The following FREM2 variants were observed in gnomAD, a reference collection of about 807,000 sequenced individuals.
FREM2 encodes FRAS1-related extracellular matrix protein 2.
A neutral mutation model predicts 219.9 loss-of-function variants in FREM2; 119 were observed. The ratio of observed to expected loss-of-function variants is 0.54; its 90% confidence interval spans 0.47 to 0.63. The LOEUF is 0.63. FREM2 is among the 30% of genes least tolerant of loss of function. The probability of loss-of-function intolerance (pLI) is 0.00; values close to 1 mark genes in which losing one functional copy is unlikely to be tolerated. For synonymous variants in FREM2, 1,562 were observed against 1,522.8 expected (o/e 1.03, Z -0.60); for missense variants, 4,030 against 3,993.6 (o/e 1.01, Z -0.25).
intron 21 of FREM2, among the ~76,000 whole-genome samples, 180 bp downstream of exon 21, chr13:38,877,423 G>A (rs1355226460): frequency 6.6e-6 from 1 of 152,110 alleles, no homozygotes; most frequent in Non-Finnish European, 1.5e-5. Flanking sequence ...ATATGTAACT[G>A]GGTATCTTTT....
chr13:38,859,490 G>A lies in FREM2; in HGVS notation c.7419G>A (p.Gln2473=). Residue 2473 remains glutamine, a synonymous_variant, in exon 14 of 24, where the codon CAG becomes CAA. Transcript: ENST00000280481. ...KMVTLDSIYF[Q]PGSRVQCAAR... is the part of the protein sequence containing the mutation. ...TCACACTGGACTCCATATACTTTCA[G>A]CCTGGCTCCCGGGTACAGTGCGCAG... 6.2e-7 allele frequency: 1 copy of A among 1,614,030 alleles called. No homozygotes were observed. Among genetic ancestry groups the A allele is most frequent in the Non-Finnish European group, 8.5e-7 (1 of 1,180,006 alleles).
chr13:38,830,594 A>G (rs150935237), intron 6 of FREM2, among the ~76,000 whole-genome samples: 4 of 152,332 alleles, frequency 2.6e-5, no homozygotes, highest in African/African-American at 9.6e-5. Context: ...AGTTCTTAGC[A>G]TGTATTGCAA....
In FREM2 at chr13:38,856,157, C is replaced by T. The variant is rs182710790; in HGVS notation, c.6957C>T (p.His2319=). 3 of 1,610,724 alleles carry T rather than the reference C, an allele frequency of 1.9e-6. No individual in the cohort carries two copies. Among genetic ancestry groups the T allele is most frequent in the East Asian group, 2.2e-5 (1 of 44,774 alleles). ...EIEFKEGETQ[H]VVEIEVTFDG... ...AGTTTAAGGAAGGGGAAACCCAGCA[C>T]GTGGTTGAAATCGAAGTTACCTTTG... Residue 2319 remains histidine (H), a synonymous_variant, in exon 12 of 24, where the codon CAC becomes CAT. Transcript: ENST00000280481.
intron 7 of FREM2, among the ~76,000 whole-genome samples, chr13:38,846,939 C>G (rs897363825): frequency 6.6e-6 from 1 of 152,088 alleles, no homozygotes; most frequent in East Asian, 1.9e-4. Context: ...AGGTTACAAA[C>G]GTTAAGACTC....
At chr13:38,756,248 A>C (rs1181800823) in intron 2 of FREM2, among the ~76,000 whole-genome samples, 1 of 152,210 alleles carries the variant, frequency 6.6e-6, no homozygotes, top group Non-Finnish European at 1.5e-5. Flanking sequence ...GTGAATATTG[A>C]ATTAGCAAAT....
In FREM2 at chr13:38,878,797, C is replaced by T. The variant is rs9532296; in HGVS notation, c.8860-34C>T. The T allele has an allele frequency of 0.35, 570,191 of 1,606,406 alleles. 107,433 individuals carry two copies. The highest frequency in any genetic ancestry group is 0.48 in the East Asian group (21,440 of 44,826). On this transcript the variant is annotated intron_variant, in intron 22 of 23. Transcript: ENST00000280481. ...GTCCTGGCAAAAGCCGTGGCATTAT[C>T]TACAGCAATCACCACTTTCCTTACT...
At chr13:38,735,509 T>A (rs1871953951) in intron 2 of FREM2, among the ~76,000 whole-genome samples, 2 of 152,340 alleles carry the variant, frequency 1.3e-5, no homozygotes, top group South Asian at 4.1e-4. Flanking sequence ...TCAATTTTTA[T>A]TCTTAGTAAA....
chr13:38,773,599 G>T (rs1208651568), intron 4 of FREM2, among the ~76,000 whole-genome samples: 1 of 151,912 alleles, frequency 6.6e-6, no homozygotes, highest in Non-Finnish European at 1.5e-5. Flanking sequence ...TTTTTGATTG[G>T]TTGTTTTTTT....
intron 2 of FREM2, among the ~76,000 whole-genome samples, chr13:38,703,895 A>G (rs1870437560): frequency 6.6e-6 from 1 of 152,132 alleles, no homozygotes; most frequent in Admixed American, 6.6e-5. Context: ...CACCTTTTAA[A>G]CACTAAGCAT....
In FREM2 at chr13:38,752,190, A is replaced by C. The variant is rs537203044; in HGVS notation, c.5264-12114A>C. Among the ~76,000 whole-genome samples, 7 of 152,104 alleles carry C rather than the reference A, an allele frequency of 4.6e-5. No homozygotes were observed. In the East Asian group the frequency reaches 1.4e-3, roughly 29 times the overall value. ...CTCTGTCTGTCTCCACCACATTGTCACTTCCCACCCTGCTTTCTCTTTCCC... is the reference window on the plus strand; with the variant it reads ...CTCTGTCTGTCTCCACCACATTGTCCCTTCCCACCCTGCTTTCTCTTTCCC... On this transcript the variant is annotated intron_variant, in intron 2 of 23. Transcript: ENST00000280481.
intron 7 of FREM2, among the ~76,000 whole-genome samples, chr13:38,847,675 A>G (rs868833378): frequency 6.6e-6 from 1 of 152,190 alleles, no homozygotes; most frequent in African/African-American, 2.4e-5. Context: ...ATACTCAAGC[A>G]AAGTTGCACA....
chr13:38,867,024 T>C (rs1280764018), intron 16 of FREM2, among the ~76,000 whole-genome samples: 2 of 152,238 alleles, frequency 1.3e-5, no homozygotes, highest in Non-Finnish European at 2.9e-5. Flanking sequence ...TTCCAGTTCC[T>C]TTATCAAATT....
At chr13:38,853,322 A>G (rs2137913883) in intron 11 of FREM2, among the ~76,000 whole-genome samples, 1 of 151,916 alleles carries the variant, frequency 6.6e-6, no homozygotes, top group East Asian at 1.9e-4. Flanking sequence ...CGTCTGAAAA[A>G]AAAAAAAAAA....
chr13:38,724,320 G>A (rs1477682038), intron 2 of FREM2, among the ~76,000 whole-genome samples: 1 of 152,062 alleles, frequency 6.6e-6, no homozygotes, highest in South Asian at 2.1e-4. Flanking sequence ...TACATTTTAA[G>A]GTAAAATATT....
chr13:38,803,531 A>T (rs559086117), intron 6 of FREM2, among the ~76,000 whole-genome samples: 45 of 152,082 alleles, frequency 3.0e-4, no homozygotes, highest in Non-Finnish European at 5.1e-4. Flanking sequence ...TTTGGTCCTC[A>T]GTACTTCAGT....
In FREM2 at chr13:38,724,160, C is replaced by T. The variant is rs537113494; in HGVS notation, c.5263+26373C>T. On this transcript the variant is annotated intron_variant, in intron 2 of 23. Coordinates refer to ENST00000280481, the MANE Select transcript of FREM2 (RefSeq NM_207361.6). The stretch of plus-strand genomic sequence containing the variant: ...CCTATGTGTTTTCTTGCATCTAAAA[C>T]TAGTTGGGGATGGCAACGTACATTG... Among the ~76,000 whole-genome samples the T allele has an allele frequency of 3.3e-5, 5 of 152,276 alleles. No homozygotes were observed. In the South Asian group the frequency reaches 1.0e-3, roughly 32 times the overall value.
At chr13:38,808,247 T>A (rs992610717) in intron 6 of FREM2, among the ~76,000 whole-genome samples, 1 of 151,976 alleles carries the variant, frequency 6.6e-6, no homozygotes, top group African/African-American at 2.4e-5. Flanking sequence ...CTTAAGGGGA[T>A]GTTTTGGCTG....
intron 2 of FREM2, among the ~76,000 whole-genome samples, chr13:38,751,491 C>T (rs1040230415): frequency 6.6e-6 from 1 of 152,108 alleles, no homozygotes; most frequent in African/African-American, 2.4e-5. Flanking sequence ...TTCCCTGAAT[C>T]GGTTTTCTTG....
At chr13:38,861,176 T>G (rs1877745951) in intron 14 of FREM2, among the ~76,000 whole-genome samples, 1 of 152,192 alleles carries the variant, frequency 6.6e-6, no homozygotes, top group Non-Finnish European at 1.5e-5. Flanking sequence ...TAAGTTACAT[T>G]GAATGGTAAC....
Sources: allele counts gnomAD v4.1 joint callset (sites outside exome capture counted in the v4.1 genomes callset), GRCh38; gene constraint gnomAD v4.1.1; transcripts MANE v1.5; gene names NCBI Gene and HGNC (gene_info 2026-07-23, HGNC 2026-07-21).